Variants in IGFBP7 observed in about 807,000 individuals in gnomAD.
The protein encoded by IGFBP7 is insulin like growth factor binding protein 7.
Under a neutral mutation model 29.4 loss-of-function variants are expected in IGFBP7, and 31 were observed. The observed-to-expected ratio is 1.05, with a 90% CI of 0.79 to 1.42. The LOEUF (loss-of-function observed/expected upper bound fraction) is 1.42, where lower values mean the gene tolerates loss of function less well. Among genes scored for constraint, IGFBP7 ranks in the 40% most tolerant of loss-of-function variants. The probability of loss-of-function intolerance (pLI) is 0.00; values close to 1 mark genes in which losing one functional copy is unlikely to be tolerated. For synonymous variants in IGFBP7, 172 were observed against 174.9 expected (o/e 0.98, Z 0.13); for missense variants, 393 against 395.5 (o/e 0.99, Z 0.05).
intron 1 of IGFBP7, among the ~76,000 whole-genome samples, chr4:57,085,918 C>G (rs576794814): frequency 5.3e-5 from 8 of 152,276 alleles, no homozygotes; most frequent in Admixed American, 2.6e-4. Flanking sequence ...TTGTTTCTGT[C>G]CTGCTCAATT....
chr4:57,110,044 C>T lies in IGFBP7; in HGVS notation c.308G>A (p.Gly103Asp), dbSNP rs748270649. 4 of 1,559,690 alleles carry T rather than the reference C, an allele frequency of 2.6e-6. No individual in the cohort carries two copies. The South Asian group carries it at 3.5e-5, about 14-fold the overall frequency. ...GCACACGCCGCTTACACCCGGACCGCCGGCTGCTGCCCCGGCTTTACCCTT... is the reference window on the plus strand; with the variant it reads ...GCACACGCCGCTTACACCCGGACCGTCGGCTGCTGCCCCGGCTTTACCCTT... ...RRKGKAGAAA[G>D]GPGVSGVCVC... The change falls in exon 1 of 5, where the codon GGC (glycine) becomes GAC (aspartate). Residue 103 changes from glycine (G) to aspartate (D), a missense_variant. Coordinates refer to ENST00000295666, the MANE Select transcript of IGFBP7 (RefSeq NM_001553.3).
chr4:57,095,971 C>T (rs1330934602), intron 1 of IGFBP7, among the ~76,000 whole-genome samples: 1 of 151,912 alleles, frequency 6.6e-6, no homozygotes, highest in Non-Finnish European at 1.5e-5. Context: ...AAGTGCCTAC[C>T]GTATCCCAAG....
At chr4:57,108,051 G>A (rs1156250802) in intron 1 of IGFBP7, among the ~76,000 whole-genome samples, 1 of 152,088 alleles carries the variant, frequency 6.6e-6, no homozygotes, top group Non-Finnish European at 1.5e-5. Context: ...CTCAATATTT[G>A]GAATAAATTC....
At chr4:57,044,624 A>G (rs1194752254) in intron 1 of IGFBP7, among the ~76,000 whole-genome samples, 4 of 152,192 alleles carry the variant, frequency 2.6e-5, no homozygotes, top group African/African-American at 4.8e-5. Context: ...TCTTTTTCCT[A>G]ATGAATCATA....
chr4:57,091,916 C>T (rs1055624067), intron 1 of IGFBP7, among the ~76,000 whole-genome samples: 1 of 152,170 alleles, frequency 6.6e-6, no homozygotes. Context: ...GGCTGTCCCT[C>T]ACAGGAGGAG....
At chr4:57,094,300 A>C (rs1380018239) in intron 1 of IGFBP7, among the ~76,000 whole-genome samples, 1 of 152,186 alleles carries the variant, frequency 6.6e-6, no homozygotes, top group Non-Finnish European at 1.5e-5. Context: ...GGTGCACTCC[A>C]CAGAGCCAGG....
At chr4:57,084,116 T>C (rs1375808872) in intron 1 of IGFBP7, among the ~76,000 whole-genome samples, 8 of 152,206 alleles carry the variant, frequency 5.3e-5, no homozygotes, top group Non-Finnish European at 1.2e-4. Context: ...AACTAAAAAA[T>C]AAAGACTGGA....
At chr4:57,064,544 C>T (rs1024369227) in intron 1 of IGFBP7, among the ~76,000 whole-genome samples, 5 of 152,146 alleles carry the variant, frequency 3.3e-5, no homozygotes, top group Non-Finnish European at 5.9e-5. Flanking sequence ...AAGAAACTGC[C>T]GATTCCACAA....
At chr4:57,080,427 A>G (rs1725339457) in intron 1 of IGFBP7, among the ~76,000 whole-genome samples, 1 of 152,222 alleles carries the variant, frequency 6.6e-6, no homozygotes, top group Non-Finnish European at 1.5e-5. Context: ...ATTCAAAAGA[A>G]TATTGATTGC....
intron 1 of IGFBP7, 194 bp downstream of exon 1, chr4:57,109,683 G>A: frequency 1.6e-6 from 1 of 640,530 alleles, no homozygotes. Flanking sequence ...CACCAAAAAG[G>A]AGAAGGGGGG....
At chr4:57,037,810 A>G (rs976645916) in intron 2 of IGFBP7, among the ~76,000 whole-genome samples, 1 of 152,068 alleles carries the variant, frequency 6.6e-6, no homozygotes, top group African/African-American at 2.4e-5. Flanking sequence ...ACTGTAGAGA[A>G]CTGCAACGGA....
intron 1 of IGFBP7, among the ~76,000 whole-genome samples, chr4:57,043,716 G>T (rs775573028): frequency 6.6e-6 from 1 of 152,164 alleles, no homozygotes; most frequent in Non-Finnish European, 1.5e-5. Context: ...CATATATCCT[G>T]GCCAGGGGGC....
In IGFBP7 at chr4:57,085,172, CTCAGGTATACTG is replaced by C. The variant is rs1245008718; in HGVS notation, c.475+24693_475+24704del. The stretch of plus-strand genomic sequence containing the variant: ...GTATTTGTCATTCTAGATCCATATT[CTCAGGTATACTG>C]TCTGGTCTTCCAAAATGTAGTTCTA... On this transcript the variant is annotated intron_variant, in intron 1 of 4. Coordinates refer to ENST00000295666, the MANE Select transcript of IGFBP7 (RefSeq NM_001553.3). Among the ~76,000 whole-genome samples, 33 of 152,112 alleles carry C rather than the reference CTCAGGTATACTG, an allele frequency of 2.2e-4. No individual in the cohort carries two copies. The East Asian group carries it at 4.4e-3, about 20-fold the overall frequency.
chr4:57,066,688 CA>C (rs1231934839), intron 1 of IGFBP7, among the ~76,000 whole-genome samples: 1 of 151,792 alleles, frequency 6.6e-6, no homozygotes, highest in African/African-American at 2.4e-5. Flanking sequence ...CTTAGCCTCC[CA>C]AGTAGCTGAG....
At position 57,110,102 on chromosome 4, in the gene IGFBP7, C is replaced by G; in HGVS notation, c.250G>C (p.Gly84Arg). ...GGAGRGYCAP[G>R]MECVKSRKRR... is the part of the protein sequence containing the mutation. ...TTGCGGCTCTTCACGCACTCCATGC[C>G]CGGCGCGCAGTACCCCCTGCCGGCG... The change falls in exon 1 of 5, where the codon GGC (glycine) becomes CGC (arginine). Residue 84 changes from glycine (G) to arginine (R), a missense_variant. Gly to Arg is a moderately radical substitution (Grantham distance 125). Coordinates refer to ENST00000295666, the MANE Select transcript of IGFBP7 (RefSeq NM_001553.3). 1 of 1,534,540 alleles carries G rather than the reference C, an allele frequency of 6.5e-7. No homozygotes were observed. The highest frequency in any genetic ancestry group is 8.7e-7 in the Non-Finnish European group (1 of 1,147,284).
In IGFBP7 at chr4:57,031,142, A is replaced by C. The variant is rs1723909041; in HGVS notation, c.*175T>G. 2.8e-6 allele frequency: 2 copies of C among 718,726 alleles called. No individual in the cohort carries two copies. The highest frequency in any genetic ancestry group is 4.8e-6 in the Non-Finnish European group (2 of 420,380). 44.5% of individuals were successfully genotyped at this position (718,726 alleles called of 1,614,324 possible). A position where few individuals can be genotyped will look rare whatever the true frequency, so the allele number is the denominator to read the frequency against. On this transcript the variant is annotated 3_prime_UTR_variant, in exon 5 of 5. Transcript: ENST00000295666. ...GCTTTTCTTCTGTAAATATATAATAAATTTTTGTAGATAGTCTTGATGTGT... is the reference window on the plus strand; with the variant it reads ...GCTTTTCTTCTGTAAATATATAATACATTTTTGTAGATAGTCTTGATGTGT...
Position 57,110,102 on chromosome 4 carries a change from C to T in IGFBP7, c.250G>A (p.Gly84Ser). The change falls in exon 1 of 5, where the codon GGC becomes AGC. Residue 84 changes from glycine to serine, a missense_variant. Transcript: ENST00000295666. ...GGAGRGYCAPGMECVKSRKRR... is the reference protein window; with the variant it reads ...GGAGRGYCAPSMECVKSRKRR... ...TTGCGGCTCTTCACGCACTCCATGC[C>T]CGGCGCGCAGTACCCCCTGCCGGCG... 2.0e-6 allele frequency: 3 copies of T among 1,534,540 alleles called. No individual in the cohort carries two copies. The highest frequency in any genetic ancestry group is 1.2e-5 in the South Asian group (1 of 83,312).
intron 1 of IGFBP7, among the ~76,000 whole-genome samples, chr4:57,077,946 C>T (rs905768098): frequency 6.6e-6 from 1 of 152,140 alleles, no homozygotes; most frequent in Non-Finnish European, 1.5e-5. Context: ...ATCAATAAAT[C>T]GGCACTATTA....
chr4:57,041,136 A>T (rs1237985731), intron 1 of IGFBP7, among the ~76,000 whole-genome samples: 5 of 152,218 alleles, frequency 3.3e-5, no homozygotes, highest in Admixed American at 3.3e-4. Context: ...ATCTAAACAA[A>T]CAAAAACAAT....
Sources: gnomAD v4.1 joint callset for allele counts (sites outside exome capture counted in the v4.1 genomes callset) on GRCh38, gnomAD v4.1.1 for gene constraint, MANE v1.5 for transcripts, NCBI Gene and HGNC (gene_info 2026-07-23, HGNC 2026-07-21) for gene names.